The following MYO18A variants were observed in gnomAD, a reference collection of about 807,000 sequenced individuals.
MYO18A encodes unconventional myosin-XVIIIa.
Under a neutral mutation model 235.8 loss-of-function variants are expected in MYO18A, and 78 were observed. The observed-to-expected ratio is 0.33, with a 90% CI of 0.28 to 0.40. The LOEUF (loss-of-function observed/expected upper bound fraction) is 0.40, where lower values mean the gene tolerates loss of function less well. Ranked by LOEUF, MYO18A falls within the 10% of genes least tolerant of loss-of-function variation. The pLI is 1.00. For missense variants in MYO18A, 2,215 were observed against 2,699.3 expected (o/e 0.82, Z 3.98); for synonymous variants, 977 against 1,077.8 (o/e 0.91, Z 1.83).
rs370559537 is a variant in MYO18A at position 29,086,973 on chromosome 17, C to T, written c.5675G>A (p.Arg1892Lys). The stretch of plus-strand genomic sequence containing the variant: ...CTTGCGGCTCGCCTCGGCCTCCTTC[C>T]TGGCAAGCTCGCCCATCTCCTCCTT... Reference protein sequence around the residue: ...DTKEEMGELARKEAEASRKKH... With the variant: ...DTKEEMGELAKKEAEASRKKH... Residue 1892 changes from arginine (R) to lysine (K), a missense_variant, in exon 38 of 42, where the codon AGG becomes AAG. Coordinates refer to ENST00000527372, the MANE Select transcript of MYO18A (RefSeq NM_078471.4). The T allele has an allele frequency of 1.5e-4, 248 of 1,613,596 alleles. No individual in the cohort carries two copies. Among genetic ancestry groups the T allele is most frequent in the Non-Finnish European group, 2.0e-4 (232 of 1,179,736 alleles).
At position 29,155,671 on chromosome 17, in the gene MYO18A, C is replaced by T. The variant is rs546449485; in HGVS notation, c.999+10271G>A. On this transcript the variant is annotated intron_variant, in intron 2 of 41. Transcript: ENST00000527372. ...TGAATTCGGCAGGGCCACCTCCAAC[C>T]GAGGCTGGGTGGCCCCAGTAGGCCA... Among the ~76,000 whole-genome samples the T allele has an allele frequency of 3.9e-5, 6 of 152,336 alleles. No individual in the cohort carries two copies. In the East Asian group the frequency reaches 5.8e-4, roughly 15 times the overall value.
chr17:29,137,301 T>G (rs529371003), intron 2 of MYO18A, among the ~76,000 whole-genome samples: 5 of 152,226 alleles, frequency 3.3e-5, no homozygotes, highest in Non-Finnish European at 7.3e-5. Flanking sequence ...GGACAGGGGT[T>G]CTTTGCACAA....
chr17:29,124,592 GTGGGGCTAGGTGGTCAC>G, intron 2 of MYO18A: 1 of 1,201,698 alleles, frequency 8.3e-7, no homozygotes, highest in South Asian at 1.4e-5. Flanking sequence ...GTGCAGGCCA[GTGGGGCTAGGTGGTCAC>G]TGGAGGGAGC....
rs1208237861 is a variant in MYO18A at position 29,110,086 on chromosome 17, T to C, written c.3103A>G (p.Thr1035Ala). 4 of 1,611,308 alleles carry C rather than the reference T, an allele frequency of 2.5e-6. No individual in the cohort carries two copies. Among genetic ancestry groups the C allele is most frequent in the Non-Finnish European group, 3.4e-6 (4 of 1,179,630 alleles). Reference sequence around the variant, plus strand: ...AAATGCAGCTTTGACTTCTTGATGGTGTCGATGAGGGCGTCCTGCCGAGGG... The same window carrying C: ...AAATGCAGCTTTGACTTCTTGATGGCGTCGATGAGGGCGTCCTGCCGAGGG... ...MKLQVDALIDTIKKSKLHFVH... is the reference protein window; with the variant it reads ...MKLQVDALIDAIKKSKLHFVH... The change falls in exon 19 of 42, where the codon ACC becomes GCC. Residue 1035 changes from threonine (T) to alanine (A), a missense_variant. Physicochemically the swap from Thr to Ala is moderately conservative, Grantham distance 58. Transcript: ENST00000527372.
intron 2 of MYO18A, among the ~76,000 whole-genome samples, chr17:29,134,907 G>T (rs1598360061): frequency 6.6e-6 from 1 of 152,246 alleles, no homozygotes; most frequent in East Asian, 1.9e-4. Flanking sequence ...CAGGACCCCA[G>T]CGACTTTGCC....
intron 10 of MYO18A, among the ~76,000 whole-genome samples, chr17:29,116,940 C>A (rs2067087448): frequency 1.3e-5 from 2 of 151,968 alleles, no homozygotes; most frequent in African/African-American, 4.8e-5. Flanking sequence ...CCTCCACATT[C>A]TCGAGAAAAC....
chr17:29,078,376 TCCTC>T (rs2066036688), intron 41 of MYO18A: 1 of 152,212 alleles, frequency 6.6e-6, no homozygotes, highest in Non-Finnish European at 1.5e-5. Context: ...TGCTTCCTGT[TCCTC>T]CCAGAGCACC....
At position 29,080,555 on chromosome 17, in the gene MYO18A, C is replaced by T. The variant is rs944381130; in HGVS notation, c.6020+1761G>A. On this transcript the variant is annotated intron_variant, in intron 41 of 41. Coordinates refer to ENST00000527372, the MANE Select transcript of MYO18A (RefSeq NM_078471.4). The stretch of plus-strand genomic sequence containing the variant: ...GGGCTGAGTGTCCTGGAGAGGCTGT[C>T]GAGCCGGGAGGTGCTGCGGCGGGAA... 8 of 985,842 alleles carry T rather than the reference C, an allele frequency of 8.1e-6. No homozygotes were observed. In the African/African-American group the frequency reaches 1.0e-4, roughly 13 times the overall value. The allele number at this position is 985,842 out of a possible 1,614,324, so 61.1% of individuals were successfully genotyped here. A position where few individuals can be genotyped will look rare whatever the true frequency, so the allele number is the denominator to read the frequency against.
At chr17:29,088,334 A>C (rs527374378) in intron 37 of MYO18A, among the ~76,000 whole-genome samples, 8 of 151,678 alleles carry the variant, frequency 5.3e-5, no homozygotes, top group Non-Finnish European at 1.0e-4. Context: ...GATTACAGGC[A>C]TGAGCCACCG....
intron 21 of MYO18A, among the ~76,000 whole-genome samples, chr17:29,102,755 T>G (rs537305619): frequency 2.0e-5 from 3 of 152,326 alleles, no homozygotes; most frequent in African/African-American, 7.2e-5. Context: ...TGACTCAACA[T>G]GCAGGGCCGA....
intron 2 of MYO18A, among the ~76,000 whole-genome samples, chr17:29,130,485 C>CACACAG (rs2067442876): frequency 2.5e-5 from 1 of 39,876 alleles, no homozygotes; most frequent in Admixed American, 2.0e-4. Context: ...CACACACACA[C>CACACAG]ACACACACAC....
Position 29,180,382 on chromosome 17 carries a change from G to A in MYO18A, c.-151C>T, listed in dbSNP as rs1467487094. 1.3e-5 allele frequency: 2 copies of A among 152,056 alleles called. No homozygotes were observed. The highest frequency in any genetic ancestry group is 3.9e-4 in the East Asian group (2 of 5,180). The allele number at this position is 152,056 out of a possible 1,614,324, so 9.4% of individuals were successfully genotyped here. A position where few individuals can be genotyped will look rare whatever the true frequency, so the allele number is the denominator to read the frequency against. On this transcript the variant is annotated 5_prime_UTR_variant, in exon 1 of 42. Coordinates refer to ENST00000527372, the MANE Select transcript of MYO18A (RefSeq NM_078471.4). The surrounding 1 kb of genome is among the most constrained non-coding windows in gnomAD (Gnocchi z 6.1). Reference sequence around the variant, plus strand: ...GCATCCAGCAGCCTCGGCCCGGTCAGGGATGGAGCAGAGCGCAGCGCGGCG... The same window carrying A: ...GCATCCAGCAGCCTCGGCCCGGTCAAGGATGGAGCAGAGCGCAGCGCGGCG...
chr17:29,107,409 T>C (rs1041258555), intron 19 of MYO18A: 48 of 528,594 alleles, frequency 9.1e-5, no homozygotes, highest in South Asian at 7.6e-4. Context: ...CACAGGGGGA[T>C]AGGAAGGCCC....
rs774863131 is a variant in MYO18A, at chr17:29,121,628, G to A, written c.1290C>T (p.Gly430=). ...SVLHTLRQRY[G]ASLLHTYAGP... Reference sequence around the variant, plus strand: ...CAGCATACGTGTGCAGCAGGCTAGCGCCATAGCGCTGGCGCAAGGTGTGCA... The same window carrying A: ...CAGCATACGTGTGCAGCAGGCTAGCACCATAGCGCTGGCGCAAGGTGTGCA... The change falls in exon 5 of 42, where the codon GGC becomes GGT. Residue 430 remains glycine (G), a synonymous_variant. Coordinates refer to ENST00000527372, the MANE Select transcript of MYO18A (RefSeq NM_078471.4). This position sits in a 1 kb window ranked among gnomAD's most constrained non-coding sequence, Gnocchi z 4.2. 1.1e-5 allele frequency: 17 copies of A among 1,584,102 alleles called. No homozygotes were observed. The South Asian group carries it at 1.3e-4, about 12-fold the overall frequency.
chr17:29,088,572 A>G (rs1568044741), intron 37 of MYO18A, among the ~76,000 whole-genome samples: 1 of 152,130 alleles, frequency 6.6e-6, no homozygotes, highest in Non-Finnish European at 1.5e-5. Flanking sequence ...TCATCAACAC[A>G]GGGCCCAGGG....
At position 29,097,914 on chromosome 17, in the gene MYO18A, GT is replaced by G; in HGVS notation, c.3991-16del. On this transcript the variant is annotated splice_polypyrimidine_tract_variant and intron_variant, in intron 25 of 41. Transcript: ENST00000527372. ...TCGTACTGGGTCTGCAGAAGACAGG[GT>G]TTCAGGGTGTGCCATTCCATCCCCT... is the stretch of plus-strand genomic sequence containing the variant. The G allele has an allele frequency of 6.2e-7, 1 of 1,606,266 alleles. No homozygotes were observed. Among genetic ancestry groups the G allele is most frequent in the East Asian group, 2.2e-5 (1 of 44,804 alleles).
chr17:29,137,431 A>G (rs1291904797), intron 2 of MYO18A, among the ~76,000 whole-genome samples: 1 of 152,242 alleles, frequency 6.6e-6, no homozygotes, highest in Non-Finnish European at 1.5e-5. Context: ...ACCTGCTCAC[A>G]ATAAATACAT....
intron 11 of MYO18A, 83 bp downstream of exon 11, chr17:29,116,361 C>A (rs919529807): frequency 8.3e-5 from 129 of 1,558,736 alleles, no homozygotes; most frequent in Non-Finnish European, 1.0e-4. Flanking sequence ...GGAAAGGGAA[C>A]AGCCCGCACA....
intron 1 of MYO18A, among the ~76,000 whole-genome samples, chr17:29,175,556 G>T (rs994045141): frequency 1.3e-5 from 2 of 151,680 alleles, no homozygotes; most frequent in Non-Finnish European, 2.9e-5. Context: ...TAGAGACAGG[G>T]TCTTGCCATG....
Sources: allele counts gnomAD v4.1 joint callset (sites outside exome capture counted in the v4.1 genomes callset), GRCh38; gene constraint gnomAD v4.1.1; non-coding constraint Gnocchi (gnomAD v3.1); transcripts MANE v1.5; gene names NCBI Gene and HGNC (gene_info 2026-07-23, HGNC 2026-07-21).